Variants in UBE2E2 observed in about 807,000 individuals in gnomAD.
The protein encoded by UBE2E2 is ubiquitin conjugating enzyme E2 E2.
A neutral mutation model predicts 24.7 loss-of-function variants in UBE2E2; 6 were observed. That is an observed-to-expected ratio of 0.24 (90% confidence interval 0.13 to 0.48). The LOEUF (loss-of-function observed/expected upper bound fraction) is 0.48. Among genes scored for constraint, UBE2E2 ranks in the 20% least tolerant of loss-of-function variants. The pLI is 0.99. For missense variants in UBE2E2, 169 were observed against 245.0 expected, an observed-to-expected ratio of 0.69 and a Z score of 2.07; for synonymous variants, 104 against 83.6, an observed-to-expected ratio of 1.24 and a Z score of -1.33.
At chr3:23,429,510 G>A (rs75502816) in intron 3 of UBE2E2, among the ~76,000 whole-genome samples, 4,412 of 152,126 alleles carry the variant, frequency 0.029, 106 homozygotes, top group East Asian at 0.13. Context: ...AATTCATCCC[G>A]TCAACAGGCT....
intron 3 of UBE2E2, among the ~76,000 whole-genome samples, chr3:23,445,279 TC>T (rs1698401689): frequency 6.6e-6 from 1 of 152,190 alleles, no homozygotes; most frequent in Non-Finnish European, 1.5e-5. Context: ...GTTGACATGC[TC>T]CATTTTGGTA....
intron 3 of UBE2E2, among the ~76,000 whole-genome samples, chr3:23,380,119 A>G (rs1449595747): frequency 6.7e-6 from 1 of 149,786 alleles, no homozygotes; most frequent in Non-Finnish European, 1.5e-5. Context: ...GAAATTGCGA[A>G]CTTCTCTATT....
At chr3:23,235,179 C>A (rs1697072370) in intron 3 of UBE2E2, among the ~76,000 whole-genome samples, 1 of 152,034 alleles carries the variant, frequency 6.6e-6, no homozygotes, top group South Asian at 2.1e-4. Flanking sequence ...AGAAAAATTG[C>A]CTTTATGATG....
intron 3 of UBE2E2, among the ~76,000 whole-genome samples, chr3:23,354,947 C>T (rs1455373478): frequency 6.6e-6 from 1 of 151,934 alleles, no homozygotes; most frequent in Admixed American, 6.6e-5. Context: ...TATTGCGGCA[C>T]TATTCACAAT....
chr3:23,301,676 G>T (rs565602397), intron 3 of UBE2E2, among the ~76,000 whole-genome samples: 1 of 152,298 alleles, frequency 6.6e-6, no homozygotes, highest in South Asian at 2.1e-4. Context: ...GCCGTGTGAG[G>T]TGTCAGTCCA....
intron 5 of UBE2E2, among the ~76,000 whole-genome samples, chr3:23,560,066 AT>A (rs929942343): frequency 6.6e-6 from 1 of 151,874 alleles, no homozygotes; most frequent in Non-Finnish European, 1.5e-5. Context: ...GTATATATGT[AT>A]TTTTTTATTT....
At chr3:23,527,470 C>G (rs1047140872) in intron 4 of UBE2E2, among the ~76,000 whole-genome samples, 4 of 152,144 alleles carry the variant, frequency 2.6e-5, no homozygotes, top group African/African-American at 7.2e-5. Flanking sequence ...TGGCACAAAG[C>G]TACTAAAAGC....
intron 3 of UBE2E2, among the ~76,000 whole-genome samples, chr3:23,304,021 A>G (rs893804345): frequency 6.6e-6 from 1 of 152,158 alleles, no homozygotes; most frequent in African/African-American, 2.4e-5. Context: ...TACTCTCCCT[A>G]TCTTTAGTCC....
At chr3:23,518,425 C>G (rs1254235468) in intron 4 of UBE2E2, among the ~76,000 whole-genome samples, 1 of 152,154 alleles carries the variant, frequency 6.6e-6, no homozygotes, top group African/African-American at 2.4e-5. Context: ...TTCAGTAAGA[C>G]TAAAAAGTAA....
intron 3 of UBE2E2, among the ~76,000 whole-genome samples, chr3:23,325,873 T>C (rs7613733): frequency 0.32 from 49,333 of 152,096 alleles, 8,239 homozygotes; most frequent in South Asian, 0.38. Flanking sequence ...TTTTTCACTT[T>C]CCAGTGTTGT....
chr3:23,459,019 C>A (rs1452976196), intron 3 of UBE2E2, among the ~76,000 whole-genome samples: 3 of 152,156 alleles, frequency 2.0e-5, no homozygotes, highest in Non-Finnish European at 4.4e-5. Context: ...AATTCTGATT[C>A]CATCTCATTT....
In UBE2E2 at chr3:23,590,006, C is replaced by T. The variant is rs1696725202; in HGVS notation, c.*175C>T. 1.8e-6 allele frequency: 1 copy of T among 557,004 alleles called. No individual in the cohort carries two copies. Among genetic ancestry groups the T allele is most frequent in the East Asian group, 2.9e-5 (1 of 34,406 alleles). 34.5% of individuals were successfully genotyped at this position (557,004 alleles called of 1,614,324 possible). On this transcript the variant is annotated 3_prime_UTR_variant, in exon 6 of 6. Transcript: ENST00000396703. ...CATCCCAGTTCTTCCTGCCCCCCTTCCTCTCTCCCACGCTCTCTTTTATCT... is the reference window on the plus strand; with the variant it reads ...CATCCCAGTTCTTCCTGCCCCCCTTTCTCTCTCCCACGCTCTCTTTTATCT...
chr3:23,273,203 C>G (rs992121152), intron 3 of UBE2E2, among the ~76,000 whole-genome samples: 2 of 152,168 alleles, frequency 1.3e-5, no homozygotes, highest in Admixed American at 6.5e-5. Context: ...ATAGTAAATT[C>G]TCACAAAAGT....
intron 3 of UBE2E2, among the ~76,000 whole-genome samples, chr3:23,349,546 T>A (rs911517449): frequency 1.3e-5 from 2 of 152,256 alleles, no homozygotes; most frequent in Non-Finnish European, 2.9e-5. Context: ...TGCGCTTTTC[T>A]GACGGGCTTA....
chr3:23,591,546 G>T lies in UBE2E2; in HGVS notation c.*1715G>T, dbSNP rs1295953896. The T allele has an allele frequency of 3.3e-5, 5 of 152,138 alleles. No homozygotes were observed. Among genetic ancestry groups the T allele is most frequent in the Non-Finnish European group, 5.9e-5 (4 of 68,034 alleles). The allele number at this position is 152,138 out of a possible 1,614,324, so 9.4% of individuals were successfully genotyped here. ...TTCTCAGCATAGCAGGGCACTGTAT[G>T]GTCTCTGATGCACTACTCAACCCTC... On this transcript the variant is annotated 3_prime_UTR_variant, in exon 6 of 6. Transcript: ENST00000396703.
chr3:23,340,010 T>C (rs151256522), intron 3 of UBE2E2, among the ~76,000 whole-genome samples: 19 of 152,208 alleles, frequency 1.2e-4, no homozygotes, highest in Non-Finnish European at 2.6e-4. Flanking sequence ...GATAATACTG[T>C]GAATTTTCAG....
rs1054507705 is a variant in UBE2E2 at position 23,259,590 on chromosome 3, T to A, written c.227+42278T>A. 2.3e-3 allele frequency among the ~76,000 whole-genome samples: 349 copies of A among 152,144 alleles called. 12 individuals carry two copies. In the East Asian group the frequency reaches 0.05, roughly 22 times the overall value. On this transcript the variant is annotated intron_variant, in intron 3 of 5. Transcript: ENST00000396703. ...TGGAACTTTAAAAAAAAAAAAGTCT[T>A]GACTCAAATATTGTAATTTTTCTTG... is the stretch of plus-strand genomic sequence containing the variant.
At chr3:23,265,904 C>A (rs1417968501) in intron 3 of UBE2E2, among the ~76,000 whole-genome samples, 4 of 152,140 alleles carry the variant, frequency 2.6e-5, no homozygotes, top group African/African-American at 9.7e-5. Flanking sequence ...TATGTAATGG[C>A]CTTCTTTGTC....
chr3:23,283,700 C>T (rs1057320807), intron 3 of UBE2E2, among the ~76,000 whole-genome samples: 4 of 152,128 alleles, frequency 2.6e-5, no homozygotes, highest in African/African-American at 9.7e-5. Context: ...ATGCAGTGAG[C>T]CATGATCACA....
Sources: gnomAD v4.1 joint callset for allele counts (sites outside exome capture counted in the v4.1 genomes callset) on GRCh38, gnomAD v4.1.1 for gene constraint, MANE v1.5 for transcripts, NCBI Gene and HGNC (gene_info 2026-07-23, HGNC 2026-07-21) for gene names.